DTNA: variants seen among roughly 807,000 people sequenced by gnomAD.
The protein encoded by DTNA is dystrophin-related protein 3.
A neutral mutation model predicts 100.7 loss-of-function variants in DTNA; 43 were observed. That is an observed-to-expected ratio of 0.43 (90% CI 0.33 to 0.55). The LOEUF is 0.55. Ranked by LOEUF, DTNA falls within the 20% of genes least tolerant of loss-of-function variation. The pLI is 0.04. For synonymous variants in DTNA, 349 were observed against 347.9 expected (o/e 1.00, Z -0.04); for missense variants, 798 against 953.9 (o/e 0.84, Z 2.15).
chr18:34,707,307 C>T (rs548227051), upstream of DTNA, among the ~76,000 whole-genome samples: 70 of 152,240 alleles, frequency 4.6e-4, no homozygotes, highest in Middle Eastern at 0.014. Context: ...GTCTCAAAAA[C>T]TTTTTCTAAG....
At chr18:34,651,235 G>A (rs1268092727) in intron 1 of DTNA, among the ~76,000 whole-genome samples, 1 of 152,152 alleles carries the variant, frequency 6.6e-6, no homozygotes, top group African/African-American at 2.4e-5. Context: ...GCCACATTTT[G>A]TTAATGTATA....
intron 1 of DTNA, among the ~76,000 whole-genome samples, chr18:34,686,084 A>G (rs1182528987): frequency 1.3e-5 from 2 of 152,314 alleles, no homozygotes; most frequent in African/African-American, 2.4e-5. Context: ...TCATCTGCAA[A>G]CAAAGATAAT....
intron 1 of DTNA, among the ~76,000 whole-genome samples, chr18:34,682,323 G>A (rs996479382): frequency 6.6e-5 from 10 of 152,012 alleles, no homozygotes; most frequent in African/African-American, 2.4e-4. Flanking sequence ...ATTTTAGGTT[G>A]GTGCAAAAGT....
At chr18:34,820,487 G>A (rs530650504) in intron 8 of DTNA, among the ~76,000 whole-genome samples, 5 of 152,202 alleles carry the variant, frequency 3.3e-5, no homozygotes, top group African/African-American at 7.2e-5. Flanking sequence ...CTCCATTCTC[G>A]AATGACCTTC....
chr18:34,634,959 T>G (rs926758862), intron 1 of DTNA, among the ~76,000 whole-genome samples: 2 of 152,180 alleles, frequency 1.3e-5, no homozygotes, highest in African/African-American at 4.8e-5. Context: ...AGTGAATAAA[T>G]CTGGTAACAT....
At chr18:34,753,673 C>T (rs1050605070) in intron 1 of DTNA, among the ~76,000 whole-genome samples, 4 of 141,868 alleles carry the variant, frequency 2.8e-5, no homozygotes, top group African/African-American at 6.3e-5. Flanking sequence ...TGAGCCACCG[C>T]GCCCGGCCTG....
intron 5 of DTNA, 107 bp downstream of exon 5, chr18:34,806,411 C>T: frequency 1.1e-6 from 1 of 927,690 alleles, no homozygotes; most frequent in South Asian, 1.4e-5. Flanking sequence ...TTTCCTCATT[C>T]TATGAGAGTT....
At chr18:34,867,562 C>G (rs2096719316) in intron 17 of DTNA, 2 of 1,105,420 alleles carry the variant, frequency 1.8e-6, no homozygotes, top group South Asian at 8.9e-5. Context: ...TCTCCTGTCT[C>G]TTATTTAGCA....
chr18:34,678,114 A>C (rs2077614169), intron 1 of DTNA, among the ~76,000 whole-genome samples: 1 of 152,148 alleles, frequency 6.6e-6, no homozygotes, highest in Non-Finnish European at 1.5e-5. Flanking sequence ...TGGGGATAAC[A>C]GCCCCCATGA....
intron 15 of DTNA, among the ~76,000 whole-genome samples, chr18:34,852,481 C>T (rs983825691): frequency 6.6e-6 from 1 of 152,122 alleles, no homozygotes; most frequent in Non-Finnish European, 1.5e-5. Flanking sequence ...AAAAATTGTC[C>T]AGCTCATCTC....
intron 1 of DTNA, among the ~76,000 whole-genome samples, chr18:34,744,569 CAA>C (rs1490871960): frequency 1.3e-5 from 2 of 152,054 alleles, no homozygotes; most frequent in South Asian, 2.1e-4. Context: ...GAAAGGAAAA[CAA>C]AGAGCAGGGA....
intron 1 of DTNA, among the ~76,000 whole-genome samples, chr18:34,704,647 G>T (rs897414206): frequency 2.6e-5 from 4 of 151,984 alleles, no homozygotes; most frequent in African/African-American, 4.8e-5. Context: ...TAGATTGTAG[G>T]CCATTTATAT....
upstream of DTNA, among the ~76,000 whole-genome samples, chr18:34,709,937 T>C (rs1323420040): frequency 2.6e-5 from 4 of 152,238 alleles, no homozygotes; most frequent in Admixed American, 2.6e-4. Flanking sequence ...GCATTTCCTA[T>C]TGAGTTAGTA....
chr18:34,506,602 C>A (rs1004450016), intron 1 of DTNA, among the ~76,000 whole-genome samples: 52 of 152,274 alleles, frequency 3.4e-4, no homozygotes, highest in African/African-American at 1.2e-3. Context: ...ATGCTCCTTT[C>A]CTGTTCCTTA....
At chr18:34,663,180 G>T (rs76509486) in intron 1 of DTNA, among the ~76,000 whole-genome samples, 2,200 of 152,016 alleles carry the variant, frequency 0.014, 41 homozygotes, top group African/African-American at 0.047. Context: ...TTGAGATAGG[G>T]TCTCACTCTG....
chr18:34,684,080 G>T (rs1406869334), intron 1 of DTNA, among the ~76,000 whole-genome samples: 1 of 152,098 alleles, frequency 6.6e-6, no homozygotes, highest in East Asian at 1.9e-4. Flanking sequence ...TTAATGTCAC[G>T]TTGGGAGAGA....
At chr18:34,885,752 T>C (rs767744676) in intron 22 of DTNA, among the ~76,000 whole-genome samples, 16 of 152,200 alleles carry the variant, frequency 1.1e-4, no homozygotes, top group African/African-American at 1.4e-4. Context: ...CATTCACATA[T>C]ATGCCTGCCC....
intron 1 of DTNA, among the ~76,000 whole-genome samples, chr18:34,611,290 G>GTACC: frequency 6.6e-6 from 1 of 152,216 alleles, no homozygotes; most frequent in Non-Finnish European, 1.5e-5. Context: ...CAAGGAAACA[G>GTACC]TACCATTCAA....
At chr18:34,547,322 G>C (rs1180852956) in intron 1 of DTNA, among the ~76,000 whole-genome samples, 4 of 152,078 alleles carry the variant, frequency 2.6e-5, no homozygotes, top group African/African-American at 9.7e-5. Context: ...GGGAGCCTCA[G>C]TCAACCTGTC....
Sources: gnomAD v4.1 joint callset for allele counts (sites outside exome capture counted in the v4.1 genomes callset) on GRCh38, gnomAD v4.1.1 for gene constraint, MANE v1.5 for transcripts, NCBI Gene and HGNC (gene_info 2026-07-23, HGNC 2026-07-21) for gene names.